Variants in CDKAL1 observed in about 807,000 individuals in gnomAD.
The protein encoded by CDKAL1 is CDKAL1 threonylcarbamoyladenosine tRNA methylthiotransferase.
In CDKAL1, 32 loss-of-function variants were observed where a neutral mutation model predicts 68.2. That is an observed-to-expected ratio of 0.47 (90% CI 0.35 to 0.63). The LOEUF is 0.63. Among genes scored for constraint, CDKAL1 ranks in the 30% least tolerant of loss-of-function variants. The pLI is 0.00. For missense variants in CDKAL1, 606 were observed against 696.7 expected (o/e 0.87, Z 1.47); for synonymous variants, 234 against 244.3 (o/e 0.96, Z 0.39).
intron 5 of CDKAL1, among the ~76,000 whole-genome samples, chr6:20,733,190 A>G (rs1217638468): frequency 1.3e-5 from 2 of 152,234 alleles, no homozygotes; most frequent in South Asian, 2.1e-4. Context: ...ATAAAGGTGC[A>G]TGATGACTGT....
intron 11 of CDKAL1, among the ~76,000 whole-genome samples, chr6:21,024,013 G>C (rs914825950): frequency 6.6e-6 from 1 of 152,054 alleles, no homozygotes; most frequent in South Asian, 2.1e-4. Context: ...CATTTCCTTT[G>C]TTATTAATTT....
At position 20,846,165 on chromosome 6, in the gene CDKAL1, A is replaced by G. The variant is rs762575761; in HGVS notation, c.729A>G (p.Lys243=). 3 of 1,600,914 alleles carry G rather than the reference A, an allele frequency of 1.9e-6. No individual in the cohort carries two copies. Among genetic ancestry groups the G allele is most frequent in the Non-Finnish European group, 2.6e-6 (3 of 1,169,626 alleles). The change falls in exon 9 of 16, where the codon AAA becomes AAG. Residue 243 remains lysine, a synonymous_variant. Coordinates refer to ENST00000274695, the MANE Select transcript of CDKAL1 (RefSeq NM_017774.3). ...TTGATGAACTAGTAGATAGAGCCAAACAATCTTTTCAAGGTAAGAGTTTCT... is the reference window on the plus strand; with the variant it reads ...TTGATGAACTAGTAGATAGAGCCAAGCAATCTTTTCAAGGTAAGAGTTTCT... ...YPIDELVDRA[K]QSFQEGVCEI...
At chr6:21,003,369 T>TATATATATATAC (rs1767546311) in intron 11 of CDKAL1, among the ~76,000 whole-genome samples, 1 of 46,626 alleles carries the variant, frequency 2.1e-5, no homozygotes, top group African/African-American at 8.8e-5. Flanking sequence ...TATATATATA[T>TATATATATATAC]ATACACACAC....
At chr6:21,121,144 C>A (rs914306639) in intron 13 of CDKAL1, among the ~76,000 whole-genome samples, 4 of 152,172 alleles carry the variant, frequency 2.6e-5, no homozygotes, top group African/African-American at 9.7e-5. Context: ...AAATCTTTCC[C>A]TATTAGGGAA....
At chr6:21,031,625 A>G (rs1769296287) in intron 11 of CDKAL1, among the ~76,000 whole-genome samples, 1 of 151,968 alleles carries the variant, frequency 6.6e-6, no homozygotes, top group Non-Finnish European at 1.5e-5. Flanking sequence ...GTGGAAAACA[A>G]CATCTTGGAA....
chr6:21,212,066 T>C (rs1490782691), intron 15 of CDKAL1, among the ~76,000 whole-genome samples: 1 of 152,058 alleles, frequency 6.6e-6, no homozygotes, highest in African/African-American at 2.4e-5. Context: ...TGGCTACATG[T>C]GGGAAAGTTT....
chr6:20,610,697 A>C (rs914991751), intron 4 of CDKAL1, among the ~76,000 whole-genome samples: 1 of 152,096 alleles, frequency 6.6e-6, no homozygotes, highest in African/African-American at 2.4e-5. Context: ...ACAGGAAACA[A>C]ACATTAATAA....
At chr6:20,918,807 A>C (rs961234059) in intron 9 of CDKAL1, among the ~76,000 whole-genome samples, 2 of 152,214 alleles carry the variant, frequency 1.3e-5, no homozygotes, top group African/African-American at 2.4e-5. Flanking sequence ...GGCATTAAGA[A>C]AACACTGATC....
intron 13 of CDKAL1, among the ~76,000 whole-genome samples, chr6:21,154,053 T>C (rs151225323): frequency 1.1e-3 from 166 of 152,308 alleles, no homozygotes; most frequent in African/African-American, 3.5e-3. Flanking sequence ...TTGGGAAAGA[T>C]ACTTAATTGC....
chr6:20,692,962 TA>T (rs918893444), intron 5 of CDKAL1, among the ~76,000 whole-genome samples: 3 of 148,710 alleles, frequency 2.0e-5, no homozygotes, highest in Non-Finnish European at 3.0e-5. Context: ...CAATCTCTAC[TA>T]AAAAAAAATA....
intron 4 of CDKAL1, among the ~76,000 whole-genome samples, chr6:20,611,998 C>T (rs1205578252): frequency 6.6e-6 from 1 of 152,176 alleles, no homozygotes; most frequent in Non-Finnish European, 1.5e-5. Flanking sequence ...TGACAACATG[C>T]AAAATTTGTC....
At chr6:20,731,188 G>A (rs963629348) in intron 5 of CDKAL1, among the ~76,000 whole-genome samples, 1 of 152,210 alleles carries the variant, frequency 6.6e-6, no homozygotes. Flanking sequence ...CCATTCTTAT[G>A]AACTATTAGT....
intron 9 of CDKAL1, among the ~76,000 whole-genome samples, chr6:20,928,379 T>C (rs1763275757): frequency 6.6e-6 from 1 of 152,240 alleles, no homozygotes; most frequent in Non-Finnish European, 1.5e-5. Context: ...GATTGTAATA[T>C]CACATTTAAA....
intron 8 of CDKAL1, among the ~76,000 whole-genome samples, chr6:20,837,937 TTGTGTGTGTGTGTGTGTGTGTG>T (rs531904726): frequency 8.1e-6 from 1 of 123,176 alleles, no homozygotes; most frequent in South Asian, 3.1e-4. Context: ...TGGGAAGAAA[TTGTGTGTGTGTGTGTGTGTGTG>T]TGTGTGTGTG....
chr6:20,906,791 A>G (rs1403087731), intron 9 of CDKAL1, among the ~76,000 whole-genome samples: 1 of 152,218 alleles, frequency 6.6e-6, no homozygotes, highest in Non-Finnish European at 1.5e-5. Flanking sequence ...ACAAATAACA[A>G]AGTGGAAGAA....
At chr6:20,721,725 GTTTTTTTTTTTTT>G (rs145893325) in intron 5 of CDKAL1, among the ~76,000 whole-genome samples, 2 of 67,380 alleles carry the variant, frequency 3.0e-5, no homozygotes, top group Non-Finnish European at 5.3e-5. Context: ...ACCAACTTCT[GTTTTTTTTTTTTT>G]TTTTTTTTTT....
chr6:20,730,057 T>C (rs1772838875), intron 5 of CDKAL1, among the ~76,000 whole-genome samples: 1 of 152,164 alleles, frequency 6.6e-6, no homozygotes, highest in Non-Finnish European at 1.5e-5. Context: ...CAGTGGCTCA[T>C]GCCTGTAATC....
intron 4 of CDKAL1, among the ~76,000 whole-genome samples, chr6:20,626,099 C>T (rs1767420165): frequency 6.6e-6 from 1 of 152,106 alleles, no homozygotes; most frequent in Non-Finnish European, 1.5e-5. Flanking sequence ...CTTCTAAGTT[C>T]ACTTTTGTTA....
At chr6:21,090,813 T>C (rs912882013) in intron 12 of CDKAL1, among the ~76,000 whole-genome samples, 3 of 149,898 alleles carry the variant, frequency 2.0e-5, no homozygotes, top group Non-Finnish European at 4.4e-5. Flanking sequence ...TTCTTTTTTT[T>C]TTTTTTTTGA....
Sources: allele counts gnomAD v4.1 joint callset (sites outside exome capture counted in the v4.1 genomes callset), GRCh38; gene constraint gnomAD v4.1.1; transcripts MANE v1.5; gene names NCBI Gene and HGNC (gene_info 2026-07-23, HGNC 2026-07-21).